LY9: variants seen among roughly 807,000 people sequenced by gnomAD.
The protein encoded by LY9 is lymphocyte antigen 9, also known as T-lymphocyte surface antigen Ly-9.
A neutral mutation model predicts 64.6 loss-of-function variants in LY9; 59 were observed. The ratio of observed to expected loss-of-function variants is 0.91; its 90% CI spans 0.74 to 1.13. The LOEUF is 1.13. Ranked by LOEUF, LY9 falls within the 50% of genes most tolerant of loss-of-function variation. The probability of loss-of-function intolerance (pLI) is 0.00; values close to 1 mark genes in which losing one functional copy is unlikely to be tolerated. For synonymous variants in LY9, 281 were observed against 308.5 expected, an observed-to-expected ratio of 0.91 and a Z score of 0.93; for missense variants, 789 against 797.2, an observed-to-expected ratio of 0.99 and a Z score of 0.12.
intron 5 of LY9, 141 bp downstream of exon 5, chr1:160,817,004 G>C: frequency 1.4e-6 from 1 of 714,208 alleles, no homozygotes; most frequent in South Asian, 2.0e-5. Flanking sequence ...AGATATATGA[G>C]AGTCACGCAT....
chr1:160,818,364 C>G (rs1557812513), intron 6 of LY9, 45 bp downstream of exon 6: 1 of 1,437,030 alleles, frequency 7.0e-7, no homozygotes, highest in South Asian at 1.2e-5. Context: ...TAGGCCATTT[C>G]CCTGGGACTT....
intron 9 of LY9, chr1:160,824,550 ATCTATC>A: frequency 1.0e-6 from 1 of 985,186 alleles, no homozygotes; most frequent in East Asian, 1.1e-4. Context: ...AGCTTTTTAA[ATCTATC>A]TCTAACCCTA....
chr1:160,813,434 A>C (rs1157488299), intron 2 of LY9: 3 of 597,178 alleles, frequency 5.0e-6, no homozygotes, highest in Non-Finnish European at 8.9e-6. Flanking sequence ...ATGCTGAGTC[A>C]TGGTGATAAC....
chr1:160,797,980 G>A (rs1333649234), intron 1 of LY9, among the ~76,000 whole-genome samples: 4 of 152,056 alleles, frequency 2.6e-5, no homozygotes. Flanking sequence ...AGAGACAGGT[G>A]AGTCAAATTC....
chr1:160,800,641 A>G (rs891268264), intron 2 of LY9, among the ~76,000 whole-genome samples: 4 of 152,158 alleles, frequency 2.6e-5, no homozygotes, highest in East Asian at 1.9e-4. Context: ...TAGTGCACCC[A>G]TCACCCAAAG....
intron 6 of LY9, 74 bp from the exon 7 acceptor site, chr1:160,819,247 T>TGACTCTCACAGAATAAAAGAC: frequency 8.9e-7 from 1 of 1,126,236 alleles, no homozygotes; most frequent in South Asian, 1.2e-5. Context: ...CCTTCTCATT[T>TGACTCTCACAGAATAAAAGAC]GACTCTCACA....
intron 7 of LY9, among the ~76,000 whole-genome samples, chr1:160,821,734 T>C (rs1668464906): frequency 6.6e-6 from 1 of 152,188 alleles, no homozygotes; most frequent in Non-Finnish European, 1.5e-5. Context: ...CTCCTCCTTA[T>C]GAATCCCTAA....
intron 2 of LY9, among the ~76,000 whole-genome samples, chr1:160,800,789 G>A (rs537591462): frequency 2.0e-5 from 3 of 152,162 alleles, no homozygotes; most frequent in South Asian, 2.1e-4. Context: ...AGGTGAGAAC[G>A]TGTGGTATTT....
At chr1:160,816,114 T>C (rs1667928367) in intron 4 of LY9, among the ~76,000 whole-genome samples, 1 of 152,170 alleles carries the variant, frequency 6.6e-6, no homozygotes, top group Non-Finnish European at 1.5e-5. Flanking sequence ...AGGAAACAAA[T>C]AGAGTCAGTC....
intron 1 of LY9, 142 bp from the exon 2 acceptor site, chr1:160,799,611 G>T: frequency 1.6e-6 from 1 of 617,902 alleles, no homozygotes; most frequent in Non-Finnish European, 2.9e-6. Flanking sequence ...CTAGGCAATT[G>T]ACCTAGAAGA....
chr1:160,801,940 G>A (rs746345879), intron 2 of LY9: 2 of 1,611,322 alleles, frequency 1.2e-6, no homozygotes, highest in East Asian at 4.5e-5. Context: ...ACCTGCCACT[G>A]GAGACCGCTC....
At chr1:160,804,354 T>C (rs1233066924) in intron 2 of LY9, among the ~76,000 whole-genome samples, 1 of 152,138 alleles carries the variant, frequency 6.6e-6, no homozygotes, top group Non-Finnish European at 1.5e-5. Flanking sequence ...GATCATATGG[T>C]TTTTATCCTT....
chr1:160,812,310 C>T (rs12117689), intron 2 of LY9: 28,962 of 152,204 alleles, frequency 0.19, 3,403 homozygotes, highest in Admixed American at 0.33. Context: ...TTAATTACTT[C>T]TATCTCCAAA....
chr1:160,802,404 A>G (rs1023549338), intron 2 of LY9: 6 of 986,456 alleles, frequency 6.1e-6, no homozygotes, highest in Admixed American at 1.2e-4. Flanking sequence ...ACTGCGTGGG[A>G]GGTCACCGGC....
Position 160,823,485 on chromosome 1 carries a change from C to CTA in LY9, c.1522_1523dup (p.Ser509ThrfsTer234). ...TCCAGAACCCACAGCTGGCCACACGCTATACTCTGTGCTCTCCCAAGGATA... is the reference window on the plus strand; with the variant it reads ...TCCAGAACCCACAGCTGGCCACACGCTATATACTCTGTGCTCTCCCAAGGATA... On this transcript the variant is annotated frameshift_variant, in exon 8 of 10. Transcript: ENST00000263285. LOFTEE classifies it high-confidence loss of function. 6.2e-7 allele frequency: 1 copy of CTA among 1,613,232 alleles called. No homozygotes were observed. The highest frequency in any genetic ancestry group is 8.5e-7 in the Non-Finnish European group (1 of 1,179,316).
intron 2 of LY9, among the ~76,000 whole-genome samples, chr1:160,808,997 C>T (rs1022448604): frequency 5.3e-5 from 8 of 152,008 alleles, no homozygotes; most frequent in African/African-American, 1.7e-4. Context: ...ATTCATGTAA[C>T]GGGTCTCCTA....
Position 160,814,698 on chromosome 1 carries a change from G to T in LY9, c.1009G>T (p.Ala337Ser). Residue 337 changes from alanine to serine, a missense_variant, in exon 4 of 10, where the codon GCC becomes TCC. Physicochemically the swap from Ala to Ser is moderately conservative, Grantham distance 99 (BLOSUM62 1). Coordinates refer to ENST00000263285, the MANE Select transcript of LY9 (RefSeq NM_002348.4). ...LKIEDAGPYH[A>S]YVCSEASSVT... ...GATAGAGGACGCCGGCCCCTACCATGCCTACGTGTGCTCAGAGGCCTCCAG... is the reference window on the plus strand; with the variant it reads ...GATAGAGGACGCCGGCCCCTACCATTCCTACGTGTGCTCAGAGGCCTCCAG... 6.2e-7 allele frequency: 1 copy of T among 1,614,188 alleles called. No individual in the cohort carries two copies. Among genetic ancestry groups the T allele is most frequent in the Non-Finnish European group, 8.5e-7 (1 of 1,180,030 alleles).
Position 160,823,799 on chromosome 1 carries a change from G to A in LY9, c.1830+3G>A. 3.7e-6 allele frequency: 6 copies of A among 1,604,266 alleles called. No individual in the cohort carries two copies. The highest frequency in any genetic ancestry group is 5.1e-6 in the Non-Finnish European group (6 of 1,171,918). The stretch of plus-strand genomic sequence containing the variant: ...ATGCACAAGTGTTCAACTTACAGGT[G>A]AGCCCTTCTGATCAATACACCTTCC... On this transcript the variant is annotated splice_donor_region_variant and intron_variant, in intron 8 of 9. Coordinates refer to ENST00000263285, the MANE Select transcript of LY9 (RefSeq NM_002348.4).
chr1:160,825,623 C>T (rs936661538), intron 9 of LY9, among the ~76,000 whole-genome samples: 1 of 152,106 alleles, frequency 6.6e-6, no homozygotes, highest in Admixed American at 6.6e-5. Flanking sequence ...TTTTAAAAAA[C>T]TCTCGGCTGG....
Sources: gnomAD v4.1 joint callset for allele counts (sites outside exome capture counted in the v4.1 genomes callset) on GRCh38, gnomAD v4.1.1 for gene constraint, MANE v1.5 for transcripts, NCBI Gene and HGNC (gene_info 2026-07-23, HGNC 2026-07-21) for gene names.